ARPC4: variants seen among roughly 807,000 people sequenced by gnomAD.
The protein encoded by ARPC4 is actin related protein 2/3 complex subunit 4, also known as actin-related protein 2/3 complex subunit 4.
A neutral mutation model predicts 22.8 loss-of-function variants in ARPC4; 3 were observed. That is an observed-to-expected ratio of 0.13 (90% CI 0.06 to 0.34). The LOEUF is 0.34. Ranked by LOEUF, ARPC4 falls within the 10% of genes least tolerant of loss-of-function variation. ARPC4 has a pLI of 1.00. For synonymous variants in ARPC4, 80 were observed against 72.5 expected, an observed-to-expected ratio of 1.10 and a Z score of -0.52; for missense variants, 98 against 211.0, an observed-to-expected ratio of 0.46 and a Z score of 3.32.
chr3:9,801,236 A>AAG (rs1304223584), intron 3 of ARPC4, among the ~76,000 whole-genome samples: 2 of 147,436 alleles, frequency 1.4e-5, no homozygotes, highest in East Asian at 1.9e-4. Flanking sequence ...AAAAAAAAAA[A>AAG]AGAAATGTTG....
rs949912769 is a variant in ARPC4, at chr3:9,806,414, G to C, written c.*199G>C. On this transcript the variant is annotated 3_prime_UTR_variant, in exon 6 of 6. Transcript: ENST00000397261. ...CCTGCCCCAAGGCCACACGTGCCTG[G>C]TCAGGCTGGCTTCTGATGTTCAGTC... is the stretch of plus-strand genomic sequence containing the variant. 4.6e-5 allele frequency: 30 copies of C among 648,990 alleles called. No homozygotes were observed. Among genetic ancestry groups the C allele is most frequent in the Non-Finnish European group, 7.5e-5 (27 of 361,254 alleles). The allele number at this position is 648,990 out of a possible 1,614,324, so 40.2% of individuals were successfully genotyped here. A position where few individuals can be genotyped will look rare whatever the true frequency, so the allele number is the denominator to read the frequency against.
intron 1 of ARPC4, among the ~76,000 whole-genome samples, chr3:9,796,669 T>G (rs142157063): frequency 6.6e-6 from 1 of 151,834 alleles, no homozygotes; most frequent in African/African-American, 2.4e-5. Context: ...TGGCAGGGTG[T>G]GGTGGCTCAC....
rs764317953 is a variant in ARPC4, at chr3:9,800,360, C to G, written c.234+64C>G. Reference sequence around the variant, plus strand: ...TTCAGTCCTTTCAGCCTCTTTCAGTCCGGGGTCCCCATCTGAGAGATCAGT... The same window carrying G: ...TTCAGTCCTTTCAGCCTCTTTCAGTGCGGGGTCCCCATCTGAGAGATCAGT... On this transcript the variant is annotated intron_variant, in intron 3 of 5. Coordinates refer to ENST00000397261, the MANE Select transcript of ARPC4 (RefSeq NM_005718.5). The G allele has an allele frequency of 8.6e-4, 1,318 of 1,524,104 alleles. 18 individuals carry two copies. Among genetic ancestry groups the G allele is most frequent in the Middle Eastern group, 4.0e-4 (2 of 5,054 alleles). 94.4% of individuals were successfully genotyped at this position (1,524,104 alleles called of 1,614,324 possible). A position where few individuals can be genotyped will look rare whatever the true frequency, so the allele number is the denominator to read the frequency against.
intron 4 of ARPC4, 118 bp downstream of exon 4, chr3:9,801,874 T>A (rs1253800494): frequency 4.8e-5 from 51 of 1,058,186 alleles, no homozygotes; most frequent in Non-Finnish European, 6.1e-5. Flanking sequence ...AATTGAGAGT[T>A]GGCCTTCATC....
intron 5 of ARPC4, 67 bp downstream of exon 5, chr3:9,804,080 C>T: frequency 6.4e-7 from 1 of 1,567,360 alleles, no homozygotes; most frequent in Non-Finnish European, 8.7e-7. Context: ...GAGAACTTAG[C>T]ATCTGGTGGG....
intron 1 of ARPC4, among the ~76,000 whole-genome samples, chr3:9,796,365 G>C (rs2078886233): frequency 6.6e-6 from 1 of 152,236 alleles, no homozygotes; most frequent in African/African-American, 2.4e-5. Flanking sequence ...CTGCACTCCA[G>C]CGAGGGTGAC....
intron 1 of ARPC4, among the ~76,000 whole-genome samples, chr3:9,794,680 C>T (rs1034462714): frequency 6.0e-5 from 9 of 151,058 alleles, no homozygotes; most frequent in Non-Finnish European, 1.0e-4. Flanking sequence ...GATCCCGTGT[C>T]TTAAAAAAAA....
chr3:9,792,777 C>A, upstream of ARPC4: 1 of 1,259,944 alleles, frequency 7.9e-7, no homozygotes, highest in Non-Finnish European at 1.0e-6. Context: ...TTCGGCTTGT[C>A]CTAATTTGGT....
At chr3:9,796,024 A>G (rs1348388887) in intron 1 of ARPC4, among the ~76,000 whole-genome samples, 4 of 152,150 alleles carry the variant, frequency 2.6e-5, no homozygotes, top group Non-Finnish European at 5.9e-5. Flanking sequence ...TGAACCCGGG[A>G]GGTGGAGGTT....
chr3:9,797,142 T>C (rs913954477), intron 1 of ARPC4, among the ~76,000 whole-genome samples: 2 of 152,196 alleles, frequency 1.3e-5, no homozygotes, highest in Non-Finnish European at 2.9e-5. Flanking sequence ...TTAATCATCT[T>C]TGAATTCCCA....
chr3:9,799,894 T>C (rs1444259793), intron 2 of ARPC4: 7 of 545,810 alleles, frequency 1.3e-5, no homozygotes, highest in Non-Finnish European at 1.8e-5. Context: ...GCCAGTGAAT[T>C]AGGAATCAGA....
At chr3:9,793,052 C>A (rs571960891), upstream of ARPC4, 31 of 1,544,230 alleles carry the variant, frequency 2.0e-5, no homozygotes, top group South Asian at 3.4e-4. Context: ...CTGCGCTTCT[C>A]GCGAAAGGGC....
intron 4 of ARPC4, among the ~76,000 whole-genome samples, chr3:9,802,183 A>G (rs1250680477): frequency 7.7e-6 from 1 of 129,102 alleles, no homozygotes; most frequent in East Asian, 2.6e-4. Flanking sequence ...GGTTGTAGTG[A>G]GCCAAGATCG....
chr3:9,793,079 G>A, upstream of ARPC4: 1 of 1,545,842 alleles, frequency 6.5e-7, no homozygotes, highest in South Asian at 1.2e-5. Flanking sequence ...CGCGGGGCTG[G>A]CCACTTCCGT....
At chr3:9,796,812 G>A (rs1276009410) in intron 1 of ARPC4, among the ~76,000 whole-genome samples, 1 of 151,744 alleles carries the variant, frequency 6.6e-6, no homozygotes, top group African/African-American at 2.4e-5. Flanking sequence ...GTGGTGGTGG[G>A]CGCCTGTAGT....
At chr3:9,797,250 C>G (rs1461332217) in intron 1 of ARPC4, among the ~76,000 whole-genome samples, 6 of 152,174 alleles carry the variant, frequency 3.9e-5, no homozygotes, top group Non-Finnish European at 7.3e-5. Flanking sequence ...AGATCACTTT[C>G]TCAACCTTAG....
Position 9,797,205 on chromosome 3 carries a change from A to ATT in ARPC4, c.4-453_4-452dup, listed in dbSNP as rs145875557. Among the ~76,000 whole-genome samples the ATT allele has an allele frequency of 2.0e-5, 3 of 152,288 alleles. No homozygotes were observed. The East Asian group carries it at 5.8e-4, about 29-fold the overall frequency. ...ACCTATACATTTGTTGGCCTAATAG[A>ATT]TTGACGACAATCATGCATTCACTGG... On this transcript the variant is annotated intron_variant, in intron 1 of 5. Transcript: ENST00000397261.
intron 3 of ARPC4, 23 bp downstream of exon 3, chr3:9,800,319 C>T (rs1295034776): frequency 6.2e-7 from 1 of 1,611,164 alleles, no homozygotes; most frequent in East Asian, 2.2e-5. Context: ...TGGAGGAGGC[C>T]CAACGTAAGG....
chr3:9,797,635 T>C (rs1455472485), intron 1 of ARPC4, 24 bp from the exon 2 acceptor site: 1 of 1,605,886 alleles, frequency 6.2e-7, no homozygotes, highest in South Asian at 1.1e-5. Flanking sequence ...TGATCTTCCC[T>C]TTCCTCTGTG....
Sources: gnomAD v4.1 joint callset for allele counts (sites outside exome capture counted in the v4.1 genomes callset) on GRCh38, gnomAD v4.1.1 for gene constraint, MANE v1.5 for transcripts, NCBI Gene and HGNC (gene_info 2026-07-23, HGNC 2026-07-21) for gene names.